Variants in SPPL3 observed in about 807,000 individuals in gnomAD.
SPPL3 encodes the protein signal peptide peptidase-like 3.
SPPL3 carries 5 observed loss-of-function variants against 42.4 expected under a neutral mutation model. That is an observed-to-expected ratio of 0.12 (90% CI 0.06 to 0.25). The LOEUF (loss-of-function observed/expected upper bound fraction) is 0.25. Ranked by LOEUF, SPPL3 falls within the 10% of genes least tolerant of loss-of-function variation. The pLI is 1.00. For synonymous variants in SPPL3, 195 were observed against 181.8 expected (o/e 1.07, Z -0.58); for missense variants, 235 against 489.0 (o/e 0.48, Z 4.90).
intron 6 of SPPL3, among the ~76,000 whole-genome samples, chr12:120,774,503 C>T (rs1869240651): frequency 6.6e-6 from 1 of 152,188 alleles, no homozygotes; most frequent in Non-Finnish European, 1.5e-5. Flanking sequence ...TCCCTTCTCT[C>T]CATCTGCGTT....
chr12:120,812,540 A>G (rs1273529473), intron 1 of SPPL3, among the ~76,000 whole-genome samples: 1 of 152,200 alleles, frequency 6.6e-6, no homozygotes, highest in Non-Finnish European at 1.5e-5. Flanking sequence ...CACCTTCCAC[A>G]TGGTAACTGA....
intron 6 of SPPL3, among the ~76,000 whole-genome samples, chr12:120,777,667 C>T (rs772769751): frequency 6.6e-6 from 1 of 152,194 alleles, no homozygotes. Flanking sequence ...TCCGGAAGCA[C>T]TGAAGTATCG....
chr12:120,785,028 G>A (rs980218269), intron 3 of SPPL3, among the ~76,000 whole-genome samples: 6 of 152,252 alleles, frequency 3.9e-5, no homozygotes, highest in East Asian at 3.9e-4. Context: ...ACTCTTTCTC[G>A]TTGTTGCTAA....
At chr12:120,802,431 ATTTTT>A (rs1166451844) in intron 2 of SPPL3, among the ~76,000 whole-genome samples, 11 of 105,162 alleles carry the variant, frequency 1.0e-4, no homozygotes, top group African/African-American at 5.0e-4. Context: ...ATATATATAT[ATTTTT>A]TTTTTTTTTC....
intron 1 of SPPL3, among the ~76,000 whole-genome samples, chr12:120,876,559 G>A (rs1873095174): frequency 7.0e-6 from 1 of 143,294 alleles, no homozygotes; most frequent in East Asian, 2.2e-4. Flanking sequence ...AGAGCTTGCA[G>A]TGAGCCGAGA....
chr12:120,822,247 A>T (rs1871094085), intron 1 of SPPL3, among the ~76,000 whole-genome samples: 1 of 152,250 alleles, frequency 6.6e-6, no homozygotes, highest in South Asian at 2.1e-4. Flanking sequence ...GTTCAATGGT[A>T]AATTTCAAAT....
chr12:120,847,246 G>T (rs551393143), intron 1 of SPPL3, among the ~76,000 whole-genome samples: 2 of 151,884 alleles, frequency 1.3e-5, no homozygotes, highest in Non-Finnish European at 2.9e-5. Context: ...AGAATTTAGC[G>T]TCTCTTTGGG....
intron 6 of SPPL3, among the ~76,000 whole-genome samples, chr12:120,770,370 G>A (rs941950515): frequency 6.6e-6 from 1 of 152,028 alleles, no homozygotes; most frequent in African/African-American, 2.4e-5. Context: ...GAGTCATCTG[G>A]ATTTTTCTGT....
chr12:120,813,608 C>A (rs1870763658), intron 1 of SPPL3, among the ~76,000 whole-genome samples: 1 of 151,874 alleles, frequency 6.6e-6, no homozygotes, highest in African/African-American at 2.4e-5. Context: ...GGCTAAGGAT[C>A]CACTGCACCC....
intron 1 of SPPL3, among the ~76,000 whole-genome samples, chr12:120,856,356 T>C (rs1047680284): frequency 2.0e-5 from 3 of 151,430 alleles, no homozygotes; most frequent in African/African-American, 4.9e-5. Context: ...GTCTCGGAAA[T>C]GTTGCAGTTG....
intron 1 of SPPL3, among the ~76,000 whole-genome samples, chr12:120,818,126 G>A (rs1870941208): frequency 6.6e-6 from 1 of 152,160 alleles, no homozygotes; most frequent in African/African-American, 2.4e-5. Flanking sequence ...TCCTACTGAG[G>A]TGTCTGTTCC....
In SPPL3 at chr12:120,852,780, A is replaced by T. The variant is rs1442014129; in HGVS notation, c.24-41894T>A. ...TATATCTATGTATATTATATATAAA[A>T]TATATTTCATATATCATATATACAT... On this transcript the variant is annotated intron_variant, in intron 1 of 10. Transcript: ENST00000353487. 8.6e-4 allele frequency among the ~76,000 whole-genome samples: 116 copies of T among 134,866 alleles called. 8 individuals carry two copies. The highest frequency in any genetic ancestry group is 2.9e-3 in the African/African-American group (109 of 37,230). 88.5% of individuals were successfully genotyped at this position (134,866 alleles called of 152,430 possible).
intron 1 of SPPL3, among the ~76,000 whole-genome samples, chr12:120,900,087 A>C (rs1873928106): frequency 6.6e-6 from 1 of 152,144 alleles, no homozygotes; most frequent in Non-Finnish European, 1.5e-5. Context: ...AACATGTAAA[A>C]GTCAACAGAA....
At chr12:120,791,599 C>T (rs1333015530) in intron 2 of SPPL3, 42 bp from the exon 3 acceptor site, 3 of 1,370,480 alleles carry the variant, frequency 2.2e-6, no homozygotes, top group East Asian at 4.6e-5. Flanking sequence ...GTTTTGCTTA[C>T]AAAAGAAGGT....
chr12:120,804,623 T>C (rs561303463), intron 2 of SPPL3, among the ~76,000 whole-genome samples: 16 of 152,238 alleles, frequency 1.1e-4, no homozygotes, highest in South Asian at 6.2e-4. Flanking sequence ...AGTGGAGAAA[T>C]TGGAAACCTC....
At chr12:120,876,634 A>G (rs868821486) in intron 1 of SPPL3, among the ~76,000 whole-genome samples, 15 of 148,616 alleles carry the variant, frequency 1.0e-4, no homozygotes, top group Admixed American at 2.7e-4. Context: ...AAAAAAAAAA[A>G]AAGAAGAAAG....
chr12:120,808,086 CTTTTTTTT>C (rs63135760), intron 2 of SPPL3, among the ~76,000 whole-genome samples: 4 of 132,820 alleles, frequency 3.0e-5, no homozygotes, highest in African/African-American at 5.7e-5. Flanking sequence ...AGTTTCTTTT[CTTTTTTTT>C]TTTTTTTTGT....
rs367919558 is a variant in SPPL3 at position 120,854,809 on chromosome 12, T to C, written c.24-43923A>G. ...TATTCCTACTCCTTTTAAATAACAG[T>C]CATTACCAAGTGTTTCCAAAGCGGG... On this transcript the variant is annotated intron_variant, in intron 1 of 10. Transcript: ENST00000353487. 4.7e-4 allele frequency among the ~76,000 whole-genome samples: 72 copies of C among 152,234 alleles called. No individual in the cohort carries two copies. The South Asian group carries it at 9.6e-3, about 20-fold the overall frequency.
chr12:120,767,279 C>T, intron 9 of SPPL3, 115 bp downstream of exon 9: 1 of 1,160,454 alleles, frequency 8.6e-7, no homozygotes, highest in African/African-American at 1.5e-5. Context: ...ATTACAGCAC[C>T]CAGAATTCCT....
Sources: allele counts gnomAD v4.1 joint callset (sites outside exome capture counted in the v4.1 genomes callset), GRCh38; gene constraint gnomAD v4.1.1; transcripts MANE v1.5; gene names NCBI Gene and HGNC (gene_info 2026-07-23, HGNC 2026-07-21).